Variants in CC2D2A observed in about 807,000 individuals in gnomAD.
CC2D2A encodes the protein coiled-coil and C2 domain-containing protein 2A.
CC2D2A carries 155 observed loss-of-function variants against 212.9 expected under a neutral mutation model. The observed-to-expected ratio is 0.73, with a 90% CI of 0.64 to 0.83. The LOEUF (loss-of-function observed/expected upper bound fraction) is 0.83, where lower values mean the gene tolerates loss of function less well. Among genes scored for constraint, CC2D2A ranks in the 40% least tolerant of loss-of-function variants. The pLI is 0.00. For missense variants in CC2D2A, 1,856 were observed against 1,956.2 expected (o/e 0.95, Z 0.97); for synonymous variants, 667 against 686.5 (o/e 0.97, Z 0.44).
At chr4:15,510,315 G>T in intron 7 of CC2D2A, 75 bp downstream of exon 7, 1 of 1,331,224 alleles carries the variant, frequency 7.5e-7, no homozygotes, top group Non-Finnish European at 1.1e-6. Context: ...ATGACTACAG[G>T]CCGGGTGTGG....
At chr4:15,476,073 C>A in intron 2 of CC2D2A, 102 bp downstream of exon 2, 1 of 941,688 alleles carries the variant, frequency 1.1e-6, no homozygotes, top group Non-Finnish European at 1.6e-6. Context: ...GCATCTATTG[C>A]ACATGTTAAA....
chr4:15,578,704 C>A (rs1479181253), intron 29 of CC2D2A, among the ~76,000 whole-genome samples: 1 of 152,200 alleles, frequency 6.6e-6, no homozygotes, highest in African/African-American at 2.4e-5. Flanking sequence ...CAGCTCACTG[C>A]AACCTCCGCC....
At chr4:15,524,920 G>C (rs1323130071) in intron 11 of CC2D2A, among the ~76,000 whole-genome samples, 1 of 152,178 alleles carries the variant, frequency 6.6e-6, no homozygotes, top group Admixed American at 6.5e-5. Flanking sequence ...GGGAGTAATT[G>C]TTGCTATTGT....
At chr4:15,503,791 C>G (rs991745609) in intron 6 of CC2D2A, among the ~76,000 whole-genome samples, 3 of 152,082 alleles carry the variant, frequency 2.0e-5, no homozygotes, top group African/African-American at 7.3e-5. Context: ...CCTCCAGAGA[C>G]ACAGAGGAAG....
intron 32 of CC2D2A, 71 bp downstream of exon 32, chr4:15,588,000 C>T (rs1720929793): frequency 2.5e-6 from 2 of 808,734 alleles, no homozygotes; most frequent in African/African-American, 3.4e-5. Flanking sequence ...CCAGATCACA[C>T]ACAGGACATA....
rs751044118 is a variant in CC2D2A, at chr4:15,511,322, T to G, written c.616T>G (p.Ser206Ala). Reference sequence around the variant, plus strand: ...CAACTTTGATCCCGAACCAGAAGGATCAGAGGAAAAACCAAAAGCAAGACA... The same window carrying G: ...CAACTTTGATCCCGAACCAGAAGGAGCAGAGGAAAAACCAAAAGCAAGACA... ...TFNFDPEPEGSEEKPKARHRA... is the reference protein window; with the variant it reads ...TFNFDPEPEGAEEKPKARHRA... Residue 206 changes from serine to alanine, a missense_variant, in exon 8 of 37, where the codon TCA becomes GCA. By Grantham distance (99) the Ser-to-Ala change is moderately conservative. Around this residue, in one of 5 missense-constraint regions of CC2D2A, gnomAD observed 1,512 missense variants for 1,579.3 expected, o/e 0.96. Transcript: ENST00000424120. 1 of 1,600,928 alleles carries G rather than the reference T, an allele frequency of 6.2e-7. No individual in the cohort carries two copies. The highest frequency in any genetic ancestry group is 1.8e-5 in the Admixed American group (1 of 57,106).
At chr4:15,557,153 G>C in intron 20 of CC2D2A, 151 bp from the exon 21 acceptor site, 1 of 553,542 alleles carries the variant, frequency 1.8e-6, no homozygotes, top group East Asian at 2.9e-5. Context: ...GAATATAATA[G>C]CATGTGACTC....
intron 4 of CC2D2A, among the ~76,000 whole-genome samples, chr4:15,493,393 A>G (rs1715430645): frequency 6.6e-6 from 1 of 151,710 alleles, no homozygotes; most frequent in Non-Finnish European, 1.5e-5. Flanking sequence ...TCACCTAGCT[A>G]ATTTTGAGAC....
intron 20 of CC2D2A, 123 bp downstream of exon 20, chr4:15,555,333 G>T: frequency 8.1e-7 from 1 of 1,232,890 alleles, no homozygotes; most frequent in Non-Finnish European, 1.1e-6. Context: ...TGCCAAGTTT[G>T]AATTCCAGCT....
Position 15,528,603 on chromosome 4 carries a change from A to G in CC2D2A, c.1360-17A>G. On this transcript the variant is annotated splice_polypyrimidine_tract_variant and intron_variant, in intron 12 of 36. Coordinates refer to ENST00000424120, the MANE Select transcript of CC2D2A (RefSeq NM_001378615.1). ...ATAGAGTTTGTAACCCAAAACTTGTATCCATGTCGTTTTAAGCTCCAAGCT... is the reference window on the plus strand; with the variant it reads ...ATAGAGTTTGTAACCCAAAACTTGTGTCCATGTCGTTTTAAGCTCCAAGCT... The G allele has an allele frequency of 6.2e-7, 1 of 1,608,560 alleles. No individual in the cohort carries two copies. The highest frequency in any genetic ancestry group is 8.5e-7 in the Non-Finnish European group (1 of 1,175,090).
chr4:15,564,762 C>T (rs896662279), intron 24 of CC2D2A, among the ~76,000 whole-genome samples: 4 of 152,074 alleles, frequency 2.6e-5, no homozygotes, highest in Non-Finnish European at 4.4e-5. Context: ...ACTGCAACCT[C>T]GACCTCCTGG....
Position 15,601,475 on chromosome 4 carries a change from GAGAAAA to G in CC2D2A, c.*51_*56del. 4 of 1,205,208 alleles carry G rather than the reference GAGAAAA, an allele frequency of 3.3e-6. No homozygotes were observed. The highest frequency in any genetic ancestry group is 4.4e-6 in the Non-Finnish European group (4 of 900,580). 74.7% of individuals were successfully genotyped at this position (1,205,208 alleles called of 1,614,324 possible). On this transcript the variant is annotated 3_prime_UTR_variant, in exon 37 of 37. Coordinates refer to ENST00000424120, the MANE Select transcript of CC2D2A (RefSeq NM_001378615.1). ...CATGTAAAAACTACACTTAGGATAT[GAGAAAA>G]TTTTAAATTATATGCATCACATCAG...
Position 15,493,889 on chromosome 4 carries a change from C to T in CC2D2A, c.248-8540C>T, listed in dbSNP as rs1715458175. ...GGAGTTTGTAGAATACTAGTATCCT[C>T]TTAGAAATGAACTGCCCCCAAAAAA... On this transcript the variant is annotated intron_variant, in intron 4 of 36. Transcript: ENST00000424120. Among the ~76,000 whole-genome samples the T allele has an allele frequency of 2.0e-5, 3 of 152,200 alleles. No homozygotes were observed. The South Asian group carries it at 6.2e-4, about 32-fold the overall frequency.
At chr4:15,504,473 G>A (rs113399884) in intron 6 of CC2D2A, among the ~76,000 whole-genome samples, 43 of 152,186 alleles carry the variant, frequency 2.8e-4, no homozygotes, top group Non-Finnish European at 5.1e-4. Context: ...ATCTGGTCAT[G>A]TTGGCTAAGT....
At chr4:15,515,456 A>G (rs750680496) in intron 9 of CC2D2A, among the ~76,000 whole-genome samples, 2 of 152,336 alleles carry the variant, frequency 1.3e-5, no homozygotes, top group Admixed American at 6.5e-5. Context: ...ACGTCCTCAT[A>G]CTTTACCTCA....
At chr4:15,533,041 T>C (rs1005274658) in intron 13 of CC2D2A, among the ~76,000 whole-genome samples, 152 bp from the exon 14 acceptor site, 2 of 149,238 alleles carry the variant, frequency 1.3e-5, no homozygotes, top group African/African-American at 5.2e-5. Context: ...CATCCTATTG[T>C]CTTTACATTC....
chr4:15,569,040 G>A, intron 26 of CC2D2A, among the ~76,000 whole-genome samples: 1 of 152,194 alleles, frequency 6.6e-6, no homozygotes, highest in East Asian at 1.9e-4. Flanking sequence ...CAAGGGTGTG[G>A]GGGAATATGA....
intron 29 of CC2D2A, 109 bp downstream of exon 29, chr4:15,574,435 C>A: frequency 1.4e-6 from 1 of 739,178 alleles, no homozygotes; most frequent in Non-Finnish European, 2.1e-6. Flanking sequence ...GCCTTCCTTA[C>A]TTCAATCTCC....
At chr4:15,477,450 C>T (rs968423174) in intron 2 of CC2D2A, among the ~76,000 whole-genome samples, 1 of 152,156 alleles carries the variant, frequency 6.6e-6, no homozygotes. Context: ...CCTCATGGAA[C>T]TTACGTTCTA....
Sources: allele counts gnomAD v4.1 joint callset (sites outside exome capture counted in the v4.1 genomes callset), GRCh38; gene constraint gnomAD v4.1.1; regional missense constraint gnomAD v4.1.1; transcripts MANE v1.5; gene names NCBI Gene and HGNC (gene_info 2026-07-23, HGNC 2026-07-21).